Variants in PAPLN observed in about 807,000 individuals in gnomAD.
The protein encoded by PAPLN is papilin, proteoglycan like sulfated glycoprotein, also known as papilin.
PAPLN carries 146 observed loss-of-function variants against 159.0 expected under a neutral mutation model. The ratio of observed to expected loss-of-function variants is 0.92; its 90% CI spans 0.80 to 1.05. The LOEUF (loss-of-function observed/expected upper bound fraction) is 1.05, where lower values mean the gene tolerates loss of function less well. PAPLN is among the 50% of genes least tolerant of loss of function. PAPLN has a pLI of 0.00. For synonymous variants in PAPLN, 734 were observed against 702.9 expected (o/e 1.04, Z -0.70); for missense variants, 1,720 against 1,743.9 (o/e 0.99, Z 0.24).
chr14:73,250,072 C>A lies in PAPLN; in HGVS notation c.423C>A (p.Cys141Ter), dbSNP rs139334708. 13 of 1,612,258 alleles carry A rather than the reference C, an allele frequency of 8.1e-6. 1 individual carries two copies. In the Admixed American group the frequency reaches 1.5e-4, roughly 19 times the overall value. The change falls in exon 6 of 27, where the codon TGC (cysteine) becomes TGA (stop). Residue 141 changes from cysteine (C) to a stop codon, truncating the protein, a stop_gained. Transcript: ENST00000644200. LOFTEE classifies it high-confidence loss of function. Reference sequence around the variant, plus strand: ...AGGCTGTGGTTGATGGGACGCCCTGCGAGCCTGGCAAGAGGGATGTCTGTG... The same window carrying A: ...AGGCTGTGGTTGATGGGACGCCCTGAGAGCCTGGCAAGAGGGATGTCTGTG... ...HREAVVDGTPCEPGKRDVCVD... is the reference protein window; with the variant it reads ...HREAVVDGTP
upstream of PAPLN, among the ~76,000 whole-genome samples, chr14:73,236,828 A>T (rs1883058853): frequency 6.6e-6 from 1 of 151,228 alleles, no homozygotes; most frequent in Non-Finnish European, 1.5e-5. Flanking sequence ...AAAAAAAAAA[A>T]AGAAAAGGAG....
rs752563075 is a variant in PAPLN, at chr14:73,250,073, G to A, written c.424G>A (p.Glu142Lys). ...REAVVDGTPC[E>K]PGKRDVCVDG... Reference sequence around the variant, plus strand: ...GGCTGTGGTTGATGGGACGCCCTGCGAGCCTGGCAAGAGGGATGTCTGTGT... The same window carrying A: ...GGCTGTGGTTGATGGGACGCCCTGCAAGCCTGGCAAGAGGGATGTCTGTGT... The change falls in exon 6 of 27, where the codon GAG becomes AAG. Residue 142 changes from glutamate to lysine, a missense_variant. Physicochemically the swap from Glu to Lys is moderately conservative, Grantham distance 56. Coordinates refer to ENST00000644200, the MANE Select transcript of PAPLN (RefSeq NM_001365906.3). 19 of 1,612,432 alleles carry A rather than the reference G, an allele frequency of 1.2e-5. No individual in the cohort carries two copies. The highest frequency in any genetic ancestry group is 8.9e-5 in the East Asian group (4 of 44,828).
Position 73,264,587 on chromosome 14 carries a change from G to A in PAPLN, c.2987-1G>A. ...CCTTGTTTCTCCTGGCCTCATGACA[G>A]GGGGTGACATGGCCGTGCTGTCTGA... is the stretch of plus-strand genomic sequence containing the variant. On this transcript the variant is annotated splice_acceptor_variant, in intron 21 of 26. Transcript: ENST00000644200. LOFTEE classifies it high-confidence loss of function. 3.2e-6 allele frequency: 5 copies of A among 1,585,284 alleles called. No individual in the cohort carries two copies. The highest frequency in any genetic ancestry group is 4.3e-6 in the Non-Finnish European group (5 of 1,165,320).
At position 73,266,525 on chromosome 14, in the gene PAPLN, C is replaced by T. The variant is rs1332375852; in HGVS notation, c.3288C>T (p.Ser1096=). 1.2e-6 allele frequency: 2 copies of T among 1,613,948 alleles called. No individual in the cohort carries two copies. Among genetic ancestry groups the T allele is most frequent in the Non-Finnish European group, 1.7e-6 (2 of 1,180,012 alleles). Residue 1096 remains serine, a synonymous_variant, in exon 24 of 27, where the codon TCC becomes TCT. Coordinates refer to ENST00000644200, the MANE Select transcript of PAPLN (RefSeq NM_001365906.3). ...SPRHQLQPDG[S]LVISRVAVED... is the part of the protein sequence containing the mutation. ...GACACCAGCTGCAGCCTGATGGCTC[C>T]CTGGTCATTAGCCGAGTGGCTGTAG...
Position 73,264,430 on chromosome 14 carries a change from G to C in PAPLN, c.2986+95G>C. ...TGACCGAGGGCTGCCTCACGCTAGA[G>C]GGGCCCAGGGTGTCTCTCTGAGTCA... On this transcript the variant is annotated intron_variant, in intron 21 of 26. Transcript: ENST00000644200. 8 of 1,540,340 alleles carry C rather than the reference G, an allele frequency of 5.2e-6. No individual in the cohort carries two copies. The South Asian group carries it at 8.8e-5, about 17-fold the overall frequency.
chr14:73,259,377 T>A lies in PAPLN; in HGVS notation c.1817T>A (p.Leu606Gln), dbSNP rs910618869. 1.2e-6 allele frequency: 2 copies of A among 1,612,274 alleles called. No homozygotes were observed. Among genetic ancestry groups the A allele is most frequent in the Non-Finnish European group, 1.7e-6 (2 of 1,179,290 alleles). ...RGDQGTHLSA[L>Q]GPAPSLQQPP... ...GACCAAGGCACCCACCTGTCAGCCCTGGGCCCCGCTCCCTCTCTGCAGCAG... is the reference window on the plus strand; with the variant it reads ...GACCAAGGCACCCACCTGTCAGCCCAGGGCCCCGCTCCCTCTCTGCAGCAG... Residue 606 changes from leucine to glutamine, a missense_variant, in exon 16 of 27, where the codon CTG (leucine) becomes CAG (glutamine). By Grantham distance (113) the Leu-to-Gln change is moderately radical. Coordinates refer to ENST00000644200, the MANE Select transcript of PAPLN (RefSeq NM_001365906.3).
At chr14:73,247,609 C>T (rs1214890711) in intron 5 of PAPLN, among the ~76,000 whole-genome samples, 24 of 117,318 alleles carry the variant, frequency 2.0e-4, no homozygotes, top group African/African-American at 7.2e-4. Flanking sequence ...TGTGTTGTGC[C>T]GATCGTGGCA....
Position 73,261,223 on chromosome 14 carries a change from G to C in PAPLN, c.2174G>C (p.Gly725Ala). 1 of 1,613,976 alleles carries C rather than the reference G, an allele frequency of 6.2e-7. No individual in the cohort carries two copies. The highest frequency in any genetic ancestry group is 1.6e-4 in the Middle Eastern group (1 of 6,062). ...EPSECRGSQF[G>A]CCYDNVATAA... ...AGTGAGTGCCGGGGCTCCCAGTTTG[G>C]CTGTTGCTATGACAACGTGGCCACT... Residue 725 changes from glycine (G) to alanine (A), a missense_variant, in exon 18 of 27, where the codon GGC becomes GCC. Physicochemically the swap from Gly to Ala is moderately conservative, Grantham distance 60 (BLOSUM62 0). Coordinates refer to ENST00000644200, the MANE Select transcript of PAPLN (RefSeq NM_001365906.3).
chr14:73,262,538 C>A lies in PAPLN; in HGVS notation c.2434C>A (p.Arg812Ser). 6.4e-7 allele frequency: 1 copy of A among 1,570,872 alleles called. No homozygotes were observed. Among genetic ancestry groups the A allele is most frequent in the African/African-American group, 1.4e-5 (1 of 74,030 alleles). ...SSCQGSLHGPRRPQPGASGRS... is the reference protein window; with the variant it reads ...SSCQGSLHGPSRPQPGASGRS... Reference sequence around the variant, plus strand: ...CTGCCAGGGATCTCTCCATGGGCCCCGTCGTCCCCAGCCTGGGGCTTCTGG... The same window carrying A: ...CTGCCAGGGATCTCTCCATGGGCCCAGTCGTCCCCAGCCTGGGGCTTCTGG... Residue 812 changes from arginine (R) to serine (S), a missense_variant, in exon 19 of 27, where the codon CGT (arginine) becomes AGT (serine). Coordinates refer to ENST00000644200, the MANE Select transcript of PAPLN (RefSeq NM_001365906.3).
At chr14:73,267,872 T>C (rs575025236) in intron 25 of PAPLN, among the ~76,000 whole-genome samples, 1 of 152,274 alleles carries the variant, frequency 6.6e-6, no homozygotes, top group East Asian at 1.9e-4. Context: ...TCTATGTCCC[T>C]GCAGACCCTA....
In PAPLN at chr14:73,262,459, C is replaced by T. The variant is rs201166181; in HGVS notation, c.2355C>T (p.Gly785=). ...GCCAATGTAACCGCTTCTGGTATGG[C>T]GGCTGCCATGGCAATGCCAATAACT... ...SVGQCNRFWY[G]GCHGNANNFA... The change falls in exon 19 of 27, where the codon GGC becomes GGT. Residue 785 remains glycine, a synonymous_variant. Coordinates refer to ENST00000644200, the MANE Select transcript of PAPLN (RefSeq NM_001365906.3). 6.1e-5 allele frequency: 99 copies of T among 1,611,740 alleles called. 1 individual carries two copies. Among genetic ancestry groups the T allele is most frequent in the South Asian group, 2.9e-4 (26 of 90,846 alleles).
chr14:73,246,004 G>A (rs1566673593), intron 4 of PAPLN, 69 bp from the exon 5 acceptor site: 1 of 1,411,542 alleles, frequency 7.1e-7, no homozygotes, highest in Non-Finnish European at 9.4e-7. Context: ...CCTGGGCTCG[G>A]GCGGGGCGGG....
At chr14:73,249,076 A>T (rs1340026566) in intron 5 of PAPLN, among the ~76,000 whole-genome samples, 2 of 152,196 alleles carry the variant, frequency 1.3e-5, no homozygotes, top group Non-Finnish European at 2.9e-5. Context: ...GGCTGCTGTG[A>T]GCTTTGATCG....
rs1160905847 is a variant in PAPLN at position 73,274,153 on chromosome 14, A to G, written c.*1489A>G. 2 of 152,244 alleles carry G rather than the reference A, an allele frequency of 1.3e-5. No individual in the cohort carries two copies. Among genetic ancestry groups the G allele is most frequent in the African/African-American group, 4.8e-5 (2 of 41,462 alleles). The allele number at this position is 152,244 out of a possible 1,614,324, so 9.4% of individuals were successfully genotyped here. ...TAAAAACAGCATTAGCAGGATGAGG[A>G]TAGCAATGGGGAAGGGTTGTGGGCA... is the stretch of plus-strand genomic sequence containing the variant. On this transcript the variant is annotated 3_prime_UTR_variant, in exon 27 of 27. Coordinates refer to ENST00000644200, the MANE Select transcript of PAPLN (RefSeq NM_001365906.3).
rs752139077 is a variant in PAPLN, at chr14:73,268,728, G to A, written c.3667+5G>A. The A allele has an allele frequency of 2.5e-6, 4 of 1,607,170 alleles. No homozygotes were observed. The African/African-American group carries it at 5.4e-5, about 22-fold the overall frequency. Reference sequence around the variant, plus strand: ...AGGTGAAGGTGGTCTCACCAGGTAGGAAAGGTCTATATCCGGGGATGGGAA... The same window carrying A: ...AGGTGAAGGTGGTCTCACCAGGTAGAAAAGGTCTATATCCGGGGATGGGAA... On this transcript the variant is annotated splice_donor_5th_base_variant and intron_variant, in intron 26 of 26. Transcript: ENST00000644200.
chr14:73,262,077 G>A (rs1886644315), intron 18 of PAPLN: 1 of 414,020 alleles, frequency 2.4e-6, no homozygotes. Flanking sequence ...GTCCAAGGGA[G>A]CCGGCCCAGG....
rs1178128673 is a variant in PAPLN at position 73,262,694 on chromosome 14, C to G, written c.2590C>G (p.Pro864Ala). 2.0e-6 allele frequency: 3 copies of G among 1,512,118 alleles called. No individual in the cohort carries two copies. In the East Asian group the frequency reaches 6.9e-5, roughly 35 times the overall value. 93.7% of individuals were successfully genotyped at this position (1,512,118 alleles called of 1,614,324 possible). Residue 864 changes from proline (P) to alanine (A), a missense_variant, in exon 19 of 27, where the codon CCT (proline) becomes GCT (alanine). Coordinates refer to ENST00000644200, the MANE Select transcript of PAPLN (RefSeq NM_001365906.3). ...SGGLWRQDQQ[P>A]GPGEAPHTQA... Reference sequence around the variant, plus strand: ...TGGTCTCTGGCGGCAAGACCAACAGCCTGGGCCAGGGGAGGCCCCCCACAC... The same window carrying G: ...TGGTCTCTGGCGGCAAGACCAACAGGCTGGGCCAGGGGAGGCCCCCCACAC...
chr14:73,248,017 TG>T (rs1884749940), intron 5 of PAPLN, among the ~76,000 whole-genome samples: 1 of 87,894 alleles, frequency 1.1e-5, no homozygotes, highest in Non-Finnish European at 2.2e-5. Flanking sequence ...TGTGTGTGTG[TG>T]TGTGTGTGTG....
Position 73,250,013 on chromosome 14 carries a change from C to A in PAPLN, c.364C>A (p.Pro122Thr), listed in dbSNP as rs201596815. ...APNKCELNCI[P>T]KGENFYYKHR... ...AAACAAGTGTGAACTGAACTGCATT[C>A]CCAAGGGGGAGAACTTCTACTACAA... Residue 122 changes from proline to threonine, a missense_variant, in exon 6 of 27, where the codon CCC becomes ACC. Coordinates refer to ENST00000644200, the MANE Select transcript of PAPLN (RefSeq NM_001365906.3). 8 of 1,612,218 alleles carry A rather than the reference C, an allele frequency of 5.0e-6. No individual in the cohort carries two copies. In the South Asian group the frequency reaches 8.8e-5, roughly 18 times the overall value.
Sources: allele counts gnomAD v4.1 joint callset (sites outside exome capture counted in the v4.1 genomes callset), GRCh38; gene constraint gnomAD v4.1.1; transcripts MANE v1.5; gene names NCBI Gene and HGNC (gene_info 2026-07-23, HGNC 2026-07-21).